The following KAT6B variants were observed in gnomAD, a reference collection of about 807,000 sequenced individuals.
KAT6B encodes histone acetyltransferase KAT6B.
In KAT6B, 10 loss-of-function variants were observed where a neutral mutation model predicts 187.5. That is an observed-to-expected ratio of 0.05 (90% CI 0.03 to 0.09). KAT6B has a LOEUF of 0.09. Among genes scored for constraint, KAT6B ranks in the 10% least tolerant of loss-of-function variants. KAT6B has a pLI of 1.00. For missense variants in KAT6B, 1,952 were observed against 2,558.9 expected, an observed-to-expected ratio of 0.76 and a Z score of 5.12; for synonymous variants, 861 against 926.8, an observed-to-expected ratio of 0.93 and a Z score of 1.29.
intron 10 of KAT6B, 140 bp downstream of exon 10, chr10:74,979,479 T>C (rs1364656795): frequency 1.4e-6 from 1 of 705,748 alleles, no homozygotes; most frequent in South Asian, 1.5e-5. Context: ...CCCAAACTAT[T>C]GCTTTTGCCA....
chr10:74,840,350 C>T (rs1176497746), intron 2 of KAT6B, among the ~76,000 whole-genome samples: 2 of 152,122 alleles, frequency 1.3e-5, no homozygotes, highest in African/African-American at 2.4e-5. Context: ...CTGGAGGTAG[C>T]ATGGGGTTTT....
chr10:74,837,837 C>T (rs1841420515), intron 1 of KAT6B, among the ~76,000 whole-genome samples: 1 of 142,206 alleles, frequency 7.0e-6, no homozygotes, highest in Non-Finnish European at 1.5e-5. Flanking sequence ...TGTTCCTCTC[C>T]TAGCTGTGTA....
chr10:74,989,752 T>A (rs957924478), intron 13 of KAT6B, among the ~76,000 whole-genome samples: 3 of 152,214 alleles, frequency 2.0e-5, no homozygotes, highest in African/African-American at 7.2e-5. Flanking sequence ...GATAATGTTT[T>A]TAAAAATGGT....
chr10:74,875,265 A>G (rs987422705), intron 3 of KAT6B, among the ~76,000 whole-genome samples: 19 of 152,214 alleles, frequency 1.2e-4, no homozygotes, highest in African/African-American at 4.6e-4. Context: ...CTTAAGGTCT[A>G]GATTCCACTT....
intron 3 of KAT6B, among the ~76,000 whole-genome samples, chr10:74,929,923 T>C (rs1028060825): frequency 6.8e-6 from 1 of 147,046 alleles, no homozygotes; most frequent in Non-Finnish European, 1.5e-5. Flanking sequence ...TATTTTTCCT[T>C]TTTTTTTTTT....
At chr10:74,943,757 C>CA (rs1270460402) in intron 3 of KAT6B, among the ~76,000 whole-genome samples, 1 of 151,980 alleles carries the variant, frequency 6.6e-6, no homozygotes, top group Non-Finnish European at 1.5e-5. Flanking sequence ...AGATTGAACA[C>CA]AAAAAGTAGA....
rs1564597807 is a variant in KAT6B, at chr10:74,972,621, A to T, written c.1043A>T (p.Lys348Ile). Residue 348 changes from lysine to isoleucine, a missense_variant, in exon 7 of 18, where the codon AAA becomes ATA. By Grantham distance (102) the Lys-to-Ile change is moderately radical. Around this residue, in one of 9 missense-constraint regions of KAT6B, gnomAD observed 417 missense variants for 508.9 expected, o/e 0.82. Transcript: ENST00000287239. ...YAKPIGRPKN[K>I]LKQRLLSVTS... ...AAACCCATTGGACGACCGAAAAATA[A>T]ATTAAAGCAACGATTGTTGTAGGTT... 6.2e-7 allele frequency: 1 copy of T among 1,613,498 alleles called. No individual in the cohort carries two copies. Among genetic ancestry groups the T allele is most frequent in the Admixed American group, 1.7e-5 (1 of 59,998 alleles).
intron 1 of KAT6B, among the ~76,000 whole-genome samples, chr10:74,828,716 T>A (rs1374245756): frequency 6.6e-6 from 1 of 151,814 alleles, no homozygotes; most frequent in Non-Finnish European, 1.5e-5. Flanking sequence ...TACAGGCGCC[T>A]GCCACCACGC....
Position 74,920,125 on chromosome 10 carries a change from A to G in KAT6B, c.622-39845A>G, listed in dbSNP as rs550572640. ...ATGTTGTTTTTGAAAAAGTATTTAT[A>G]GAAATAATTTGAGGTTGAGAATTTT... On this transcript the variant is annotated intron_variant, in intron 3 of 17. Coordinates refer to ENST00000287239, the MANE Select transcript of KAT6B (RefSeq NM_012330.4). Among the ~76,000 whole-genome samples the G allele has an allele frequency of 5.3e-5, 8 of 152,292 alleles. No individual in the cohort carries two copies. The East Asian group carries it at 1.3e-3, about 26-fold the overall frequency.
Position 75,029,640 on chromosome 10 carries a change from C to T in KAT6B, c.4816C>T (p.His1606Tyr), listed in dbSNP as rs765433545. The T allele has an allele frequency of 6.2e-7, 1 of 1,614,058 alleles. No individual in the cohort carries two copies. Among genetic ancestry groups the T allele is most frequent in the Non-Finnish European group, 8.5e-7 (1 of 1,180,048 alleles). ...HSSPVSSVHS[H>Y]PGQSVRSVNS... ...TAGCCCAGTTTCATCCGTCCACTCCCATCCTGGCCAGTCCGTACGTTCTGT... is the reference window on the plus strand; with the variant it reads ...TAGCCCAGTTTCATCCGTCCACTCCTATCCTGGCCAGTCCGTACGTTCTGT... Residue 1606 changes from histidine to tyrosine, a missense_variant, in exon 18 of 18, where the codon CAT becomes TAT. His to Tyr is a moderately conservative substitution (Grantham distance 83, BLOSUM62 2). Transcript: ENST00000287239. This position sits in a 1 kb window ranked among gnomAD's most constrained non-coding sequence, Gnocchi z 6.2.
chr10:74,896,976 G>A (rs766048210), intron 3 of KAT6B, among the ~76,000 whole-genome samples: 2 of 152,132 alleles, frequency 1.3e-5, no homozygotes, highest in Non-Finnish European at 2.9e-5. Context: ...TCTTTGGTGT[G>A]TGTGTGGGGT....
intron 3 of KAT6B, among the ~76,000 whole-genome samples, chr10:74,922,928 C>G (rs1238428913): frequency 6.6e-6 from 1 of 152,054 alleles, no homozygotes; most frequent in Non-Finnish European, 1.5e-5. Flanking sequence ...ACAGATGAAG[C>G]AAAATTGCCG....
At chr10:74,959,035 TATAAATAA>T (rs10652616) in intron 3 of KAT6B, among the ~76,000 whole-genome samples, 172 of 144,504 alleles carry the variant, frequency 1.2e-3, no homozygotes, top group African/African-American at 3.5e-3. Flanking sequence ...AGACTCTGTC[TATAAATAA>T]ATAAATAAAT....
At chr10:74,968,436 T>C (rs1468024996) in intron 4 of KAT6B, among the ~76,000 whole-genome samples, 4 of 152,154 alleles carry the variant, frequency 2.6e-5, no homozygotes, top group Admixed American at 2.6e-4. Context: ...GTATTGGTGA[T>C]TGATTTTGAA....
chr10:74,977,248 T>TG, intron 8 of KAT6B, 68 bp from the exon 9 acceptor site: 3 of 1,574,940 alleles, frequency 1.9e-6, no homozygotes, highest in Non-Finnish European at 2.6e-6. Flanking sequence ...GGTGCCATTT[T>TG]GGTAATATAT....
chr10:74,931,136 G>A (rs1479942317), intron 3 of KAT6B, among the ~76,000 whole-genome samples: 4 of 152,194 alleles, frequency 2.6e-5, no homozygotes, highest in Admixed American at 1.3e-4. Flanking sequence ...TGAGGATTTT[G>A]TGGGGAAGTA....
chr10:74,915,438 A>G (rs747501405), intron 3 of KAT6B, among the ~76,000 whole-genome samples: 3 of 152,184 alleles, frequency 2.0e-5, no homozygotes, highest in African/African-American at 2.4e-5. Flanking sequence ...GCTAACGCTC[A>G]CTCATCCTTT....
At chr10:75,006,794 C>T (rs1325081545) in intron 13 of KAT6B, among the ~76,000 whole-genome samples, 5 of 151,708 alleles carry the variant, frequency 3.3e-5, no homozygotes, top group Admixed American at 6.6e-5. Flanking sequence ...ATAAAATGTA[C>T]GGTGGCTCAC....
chr10:75,030,299 T>C lies in KAT6B; in HGVS notation c.5475T>C (p.Asn1825=), dbSNP rs1589846647. Reference sequence around the variant, plus strand: ...TTGCCAAACTGCAGCAGTTAACTAATACACTTATTGATCATTCATTGCCTT... The same window carrying C: ...TTGCCAAACTGCAGCAGTTAACTAACACACTTATTGATCATTCATTGCCTT... The part of the protein sequence containing the change: ...FSLAKLQQLT[N]TLIDHSLPYS... Residue 1825 remains asparagine (N), a synonymous_variant, in exon 18 of 18, where the codon AAT becomes AAC. Coordinates refer to ENST00000287239, the MANE Select transcript of KAT6B (RefSeq NM_012330.4). This position sits in a 1 kb window ranked among gnomAD's most constrained non-coding sequence, Gnocchi z 4.8. 1 of 1,614,248 alleles carries C rather than the reference T, an allele frequency of 6.2e-7. No homozygotes were observed. The highest frequency in any genetic ancestry group is 8.5e-7 in the Non-Finnish European group (1 of 1,180,044).
Sources: gnomAD v4.1 joint callset for allele counts (sites outside exome capture counted in the v4.1 genomes callset) on GRCh38, gnomAD v4.1.1 for gene constraint, gnomAD v4.1.1 regional missense constraint, Gnocchi (gnomAD v3.1) non-coding constraint, MANE v1.5 for transcripts, NCBI Gene and HGNC (gene_info 2026-07-23, HGNC 2026-07-21) for gene names.